The following SOX5 variants were observed in gnomAD, a reference collection of about 807,000 sequenced individuals.
The protein encoded by SOX5 is SRY-box transcription factor 5.
Under a neutral mutation model 92.0 loss-of-function variants are expected in SOX5, and 9 were observed. The observed-to-expected ratio is 0.10, with a 90% CI of 0.06 to 0.17. The LOEUF (loss-of-function observed/expected upper bound fraction) is 0.17. SOX5 is among the 10% of genes least tolerant of loss of function. The probability of loss-of-function intolerance (pLI) is 1.00; values close to 1 mark genes in which losing one functional copy is unlikely to be tolerated. For synonymous variants in SOX5, 344 were observed against 336.3 expected (o/e 1.02, Z -0.25); for missense variants, 642 against 944.5 (o/e 0.68, Z 4.20).
intron 4 of SOX5, among the ~76,000 whole-genome samples, chr12:23,961,505 A>C (rs762884796): frequency 2.0e-5 from 3 of 152,062 alleles, no homozygotes; most frequent in Non-Finnish European, 4.4e-5. Context: ...TGAACTGTGC[A>C]TTACTCTTGG....
intron 2 of SOX5, among the ~76,000 whole-genome samples, chr12:24,308,252 C>T (rs1948815823): frequency 1.3e-5 from 2 of 152,110 alleles, no homozygotes; most frequent in Non-Finnish European, 2.9e-5. Context: ...ACTGTGCATG[C>T]GGACAGTCCA....
chr12:24,507,078 CCG>C (rs1948868515), intron 1 of SOX5, among the ~76,000 whole-genome samples: 1 of 152,070 alleles, frequency 6.6e-6, no homozygotes, highest in African/African-American at 2.4e-5. Flanking sequence ...GCATCAGCCA[CCG>C]CGCCCGGCCC....
At chr12:24,555,670 T>C (rs1036773294) in intron 1 of SOX5, among the ~76,000 whole-genome samples, 1 of 152,134 alleles carries the variant, frequency 6.6e-6, no homozygotes, top group African/African-American at 2.4e-5. Flanking sequence ...CATTTTGCAA[T>C]TGAGGAAAAC....
At chr12:23,601,831 C>A (rs950053830) in intron 9 of SOX5, among the ~76,000 whole-genome samples, 1 of 152,130 alleles carries the variant, frequency 6.6e-6, no homozygotes, top group Non-Finnish European at 1.5e-5. Context: ...TAACCCACTA[C>A]ATTTTACTGC....
intron 3 of SOX5, among the ~76,000 whole-genome samples, chr12:24,243,198 T>A (rs1380715093): frequency 6.6e-6 from 1 of 152,182 alleles, no homozygotes; most frequent in Non-Finnish European, 1.5e-5. Flanking sequence ...CTCATTTACC[T>A]GATCCTACAA....
intron 3 of SOX5, among the ~76,000 whole-genome samples, chr12:24,229,025 C>G (rs1308604212): frequency 6.6e-6 from 1 of 152,190 alleles, no homozygotes; most frequent in East Asian, 1.9e-4. Flanking sequence ...CCCAATTTCT[C>G]GTTTTAAAAC....
chr12:24,140,625 G>T (rs1297181400), intron 4 of SOX5, among the ~76,000 whole-genome samples: 1 of 151,998 alleles, frequency 6.6e-6, no homozygotes, highest in African/African-American at 2.4e-5. Context: ...CTCTGTTTAG[G>T]AATAAGGATT....
intron 11 of SOX5, among the ~76,000 whole-genome samples, chr12:23,554,047 C>G (rs1944690154): frequency 6.6e-6 from 1 of 151,944 alleles, no homozygotes; most frequent in Non-Finnish European, 1.5e-5. Context: ...GGTTATAGTT[C>G]TCTTTTCAAC....
chr12:24,162,133 G>A (rs1565561682), intron 4 of SOX5, among the ~76,000 whole-genome samples: 1 of 151,962 alleles, frequency 6.6e-6, no homozygotes, highest in Non-Finnish European at 1.5e-5. Flanking sequence ...TTTTTTGACA[G>A]TAATTAAGTT....
chr12:24,253,266 A>G (rs1341414384), intron 3 of SOX5, among the ~76,000 whole-genome samples: 1 of 137,546 alleles, frequency 7.3e-6, no homozygotes, highest in African/African-American at 2.8e-5. Context: ...AAGCACGTGC[A>G]CATCTTTTTT....
At chr12:23,574,510 T>A (rs2136662484) in intron 10 of SOX5, among the ~76,000 whole-genome samples, 1 of 152,356 alleles carries the variant, frequency 6.6e-6, no homozygotes, top group South Asian at 2.1e-4. Flanking sequence ...AGATACATTC[T>A]ATTGTGACTG....
intron 8 of SOX5, among the ~76,000 whole-genome samples, chr12:23,610,774 A>G (rs1284447850): frequency 6.6e-6 from 1 of 152,146 alleles, no homozygotes; most frequent in Non-Finnish European, 1.5e-5. Flanking sequence ...AGAACAAAGT[A>G]AATTAATAAC....
intron 8 of SOX5, among the ~76,000 whole-genome samples, chr12:23,639,095 G>A (rs1043574556): frequency 1.3e-5 from 2 of 151,976 alleles, no homozygotes; most frequent in Non-Finnish European, 2.9e-5. Flanking sequence ...CATAGTTAAA[G>A]TAAGAACATA....
chr12:23,567,186 C>G (rs1947265670), intron 10 of SOX5, among the ~76,000 whole-genome samples: 1 of 152,048 alleles, frequency 6.6e-6, no homozygotes, highest in South Asian at 2.1e-4. Flanking sequence ...CCATAAAGGC[C>G]AAAGAGACAT....
chr12:24,330,307 T>C (rs1270960360), intron 2 of SOX5, among the ~76,000 whole-genome samples: 1 of 152,202 alleles, frequency 6.6e-6, no homozygotes, highest in Non-Finnish European at 1.5e-5. Context: ...TTCAATCTTA[T>C]TTTTGTATAA....
At chr12:23,678,942 A>T (rs1383828811) in intron 6 of SOX5, among the ~76,000 whole-genome samples, 1 of 152,176 alleles carries the variant, frequency 6.6e-6, no homozygotes, top group Non-Finnish European at 1.5e-5. Flanking sequence ...TATAACTTGT[A>T]TAAAAAATTT....
intron 4 of SOX5, among the ~76,000 whole-genome samples, chr12:24,203,182 T>G (rs1457333974): frequency 6.6e-6 from 1 of 152,198 alleles, no homozygotes; most frequent in East Asian, 1.9e-4. Context: ...TCCTATTACT[T>G]TCATTATTTT....
chr12:24,464,424 G>A (rs1281720852), intron 1 of SOX5, among the ~76,000 whole-genome samples: 6 of 151,296 alleles, frequency 4.0e-5, no homozygotes, highest in Admixed American at 3.3e-4. Flanking sequence ...CAGGGTTCAC[G>A]CCGCCTCCCG....
chr12:24,548,046 G>A (rs1303636543), intron 1 of SOX5, among the ~76,000 whole-genome samples: 1 of 152,110 alleles, frequency 6.6e-6, no homozygotes, highest in African/African-American at 2.4e-5. Context: ...ATTTTTTTAA[G>A]TACCTTGCAT....
Sources: gnomAD v4.1 joint callset for allele counts (sites outside exome capture counted in the v4.1 genomes callset) on GRCh38, gnomAD v4.1.1 for gene constraint, MANE v1.5 for transcripts, NCBI Gene and HGNC (gene_info 2026-07-23, HGNC 2026-07-21) for gene names.